Variants in GRIP1 observed in about 807,000 individuals in gnomAD.
GRIP1 encodes the protein glutamate receptor interacting protein 1, also known as glutamate receptor-interacting protein 1.
GRIP1 carries 45 observed loss-of-function variants against 129.9 expected under a neutral mutation model. The ratio of observed to expected loss-of-function variants is 0.35; its 90% CI spans 0.27 to 0.44. The LOEUF is 0.44. GRIP1 is among the 20% of genes least tolerant of loss of function. The probability of loss-of-function intolerance (pLI) is 1.00; values close to 1 mark genes in which losing one functional copy is unlikely to be tolerated. For missense variants in GRIP1, 1,196 were observed against 1,396.8 expected, an observed-to-expected ratio of 0.86 and a Z score of 2.29; for synonymous variants, 530 against 520.8, an observed-to-expected ratio of 1.02 and a Z score of -0.24.
chr12:66,392,220 T>C (rs1463950446), intron 19 of GRIP1, 88 bp downstream of exon 19: 1 of 811,546 alleles, frequency 1.2e-6, no homozygotes, highest in Non-Finnish European at 2.2e-6. Flanking sequence ...TAAAGAAAGA[T>C]ATTCTCCTCA....
In GRIP1 at chr12:66,583,161, A is replaced by G. The variant is rs1366388765; in HGVS notation, c.136+13686T>C. The stretch of plus-strand genomic sequence containing the variant: ...GAGAAAAACAAGCAATGGCGAAAGG[A>G]TTCCCTATTTAATAAATGGTGCTGG... On this transcript the variant is annotated intron_variant, in intron 2 of 24. Coordinates refer to ENST00000359742, the MANE Select transcript of GRIP1 (RefSeq NM_001366722.1). Among the ~76,000 whole-genome samples, 6 of 151,686 alleles carry G rather than the reference A, an allele frequency of 4.0e-5. No individual in the cohort carries two copies. The East Asian group carries it at 1.2e-3, about 29-fold the overall frequency.
chr12:66,351,069 C>T (rs1168320), intron 24 of GRIP1, among the ~76,000 whole-genome samples: 76,243 of 151,556 alleles, frequency 0.5, 19,670 homozygotes, highest in East Asian at 0.58. Context: ...AGCATGTCTG[C>T]GGAAAACTAA....
chr12:66,780,790 C>T (rs565484501), intron 1 of GRIP1, among the ~76,000 whole-genome samples: 1 of 152,256 alleles, frequency 6.6e-6, no homozygotes, highest in South Asian at 2.1e-4. Flanking sequence ...CCGCTTTGCC[C>T]TCTTGGAATA....
intron 1 of GRIP1, among the ~76,000 whole-genome samples, chr12:66,658,713 T>C (rs886311218): frequency 2.6e-5 from 4 of 152,002 alleles, no homozygotes; most frequent in Non-Finnish European, 5.9e-5. Flanking sequence ...GTTTGAGACC[T>C]GGGCAACACA....
chr12:67,027,819 C>T (rs1254600036), intron 1 of GRIP1, among the ~76,000 whole-genome samples: 5 of 152,136 alleles, frequency 3.3e-5, no homozygotes, highest in Non-Finnish European at 7.4e-5. Context: ...GAGGGGTCCA[C>T]GTTCTGGACA....
chr12:66,574,907 C>A (rs2063091637), intron 2 of GRIP1, among the ~76,000 whole-genome samples: 1 of 151,800 alleles, frequency 6.6e-6, no homozygotes, highest in Non-Finnish European at 1.5e-5. Flanking sequence ...CCTGGTATAA[C>A]AGGCACCCAG....
chr12:66,505,685 A>C (rs1007504258), intron 7 of GRIP1, among the ~76,000 whole-genome samples: 2 of 152,222 alleles, frequency 1.3e-5, no homozygotes, highest in Non-Finnish European at 2.9e-5. Context: ...TCTGTGTTTA[A>C]TTCTTTAAAA....
chr12:66,645,096 G>C (rs993369587), intron 1 of GRIP1, among the ~76,000 whole-genome samples: 5 of 152,208 alleles, frequency 3.3e-5, no homozygotes, highest in Middle Eastern at 3.4e-3. Context: ...TTTTATCATG[G>C]TATCTTTTTC....
At chr12:66,514,082 T>C (rs2060777103) in intron 7 of GRIP1, among the ~76,000 whole-genome samples, 1 of 152,196 alleles carries the variant, frequency 6.6e-6, no homozygotes, top group Admixed American at 6.5e-5. Flanking sequence ...TACAGAATAC[T>C]GTTCTTGTCC....
intron 1 of GRIP1, among the ~76,000 whole-genome samples, chr12:66,643,452 T>C (rs2032102454): frequency 6.6e-6 from 1 of 152,188 alleles, no homozygotes; most frequent in Non-Finnish European, 1.5e-5. Context: ...TATCAGTACA[T>C]GAATAAACAA....
chr12:66,392,625 G>A, intron 18 of GRIP1, 52 bp downstream of exon 18: 1 of 1,603,726 alleles, frequency 6.2e-7, no homozygotes, highest in Non-Finnish European at 8.5e-7. Context: ...ATTCTTTCAA[G>A]GAAGAAAATG....
At chr12:66,406,514 A>T (rs1308193634) in intron 15 of GRIP1, 86 bp from the exon 16 acceptor site, 1 of 1,283,958 alleles carries the variant, frequency 7.8e-7, no homozygotes. Flanking sequence ...ATGCAGCATT[A>T]TGGTAGTCTT....
chr12:66,603,193 A>C (rs1159159869), intron 1 of GRIP1, among the ~76,000 whole-genome samples: 4 of 147,654 alleles, frequency 2.7e-5, no homozygotes, highest in Non-Finnish European at 6.0e-5. Flanking sequence ...AAAAAAAAAA[A>C]CACCCAAACA....
intron 1 of GRIP1, among the ~76,000 whole-genome samples, chr12:67,060,608 G>A (rs1039993541): frequency 3.9e-5 from 6 of 152,016 alleles, no homozygotes; most frequent in Admixed American, 2.6e-4. Flanking sequence ...ATCACCTGAG[G>A]TCAGGAGTTC....
intron 7 of GRIP1, among the ~76,000 whole-genome samples, chr12:66,486,831 C>T (rs1565791523): frequency 6.6e-6 from 1 of 151,942 alleles, no homozygotes; most frequent in East Asian, 1.9e-4. Flanking sequence ...CACTCTGTCA[C>T]CCAGGCTATA....
rs140294160 is a variant in GRIP1 at position 67,051,390 on chromosome 12, A to G, written c.58+17660T>C. Among the ~76,000 whole-genome samples, 732 of 152,314 alleles carry G rather than the reference A, an allele frequency of 4.8e-3. 3 individuals carry two copies. The highest frequency in any genetic ancestry group is 7.2e-3 in the Non-Finnish European group (493 of 68,030). ...GAAGAAGTTTTACATGAAGACTTGA[A>G]TTAACTAGCACCATGTTCCTAATTT... On this transcript the variant is annotated intron_variant, in intron 1 of 1. Coordinates refer to the GRIP1 transcript ENST00000643019.
chr12:66,585,451 C>T (rs112407840), intron 2 of GRIP1, among the ~76,000 whole-genome samples: 5,738 of 134,762 alleles, frequency 0.043, 625 homozygotes, highest in African/African-American at 0.15. Flanking sequence ...TTTATGGCTG[C>T]ATAGTATTCC....
At chr12:66,487,040 C>A (rs539085464) in intron 7 of GRIP1, among the ~76,000 whole-genome samples, 1 of 152,128 alleles carries the variant, frequency 6.6e-6, no homozygotes, top group South Asian at 2.1e-4. Context: ...ATCCTCCCAA[C>A]TCAGCCTCCC....
chr12:66,457,721 C>T (rs955873244), intron 9 of GRIP1, among the ~76,000 whole-genome samples: 1 of 152,144 alleles, frequency 6.6e-6, no homozygotes, highest in African/African-American at 2.4e-5. Context: ...GGTCAATTCG[C>T]ATCCTTTCTA....
Sources: allele counts gnomAD v4.1 joint callset (sites outside exome capture counted in the v4.1 genomes callset), GRCh38; gene constraint gnomAD v4.1.1; transcripts MANE v1.5; gene names NCBI Gene and HGNC (gene_info 2026-07-23, HGNC 2026-07-21).